The following SENP5 variants were observed in gnomAD, a reference collection of about 807,000 sequenced individuals.
SENP5 encodes sentrin-specific protease 5.
Under a neutral mutation model 74.2 loss-of-function variants are expected in SENP5, and 21 were observed. That is an observed-to-expected ratio of 0.28 (90% CI 0.20 to 0.41). The LOEUF (loss-of-function observed/expected upper bound fraction) is 0.41, where lower values mean the gene tolerates loss of function less well. Among genes scored for constraint, SENP5 ranks in the 10% least tolerant of loss-of-function variants. SENP5 has a pLI of 1.00. For synonymous variants in SENP5, 311 were observed against 312.7 expected, an observed-to-expected ratio of 0.99 and a Z score of 0.06; for missense variants, 717 against 889.1, an observed-to-expected ratio of 0.81 and a Z score of 2.46.
In SENP5 at chr3:196,885,815, T is replaced by C; in HGVS notation, c.634T>C (p.Leu212=). The C allele has an allele frequency of 3.7e-6, 6 of 1,614,164 alleles. No individual in the cohort carries two copies. The highest frequency in any genetic ancestry group is 5.1e-6 in the Non-Finnish European group (6 of 1,180,020). The part of the protein sequence containing the change: ...GPEHHRNGGP[L]IPKKFQLNQH... ...GGAGCACCACAGGAATGGGGGACCC[T>C]TGATTCCAAAAAAGTTCCAACTTAA... Residue 212 remains leucine (L), a synonymous_variant, in exon 2 of 10, where the codon TTG becomes CTG. Transcript: ENST00000323460.
intron 6 of SENP5, among the ~76,000 whole-genome samples, chr3:196,919,819 A>AT (rs1436136372): frequency 2.0e-5 from 3 of 149,470 alleles, no homozygotes; most frequent in East Asian, 1.9e-4. Flanking sequence ...AGGGATCAAG[A>AT]TTTTTTTTTT....
At chr3:196,929,821 T>C in intron 9 of SENP5, 138 bp downstream of exon 9, 3 of 662,496 alleles carry the variant, frequency 4.5e-6, no homozygotes, top group Non-Finnish European at 8.1e-6. Flanking sequence ...CCTTTATTGC[T>C]GAGGAGCAGT....
intron 7 of SENP5, among the ~76,000 whole-genome samples, chr3:196,926,613 T>C (rs1239943667): frequency 6.6e-6 from 1 of 151,930 alleles, no homozygotes; most frequent in Non-Finnish European, 1.5e-5. Context: ...ATGTTTTTTC[T>C]TCTGAAGAGG....
At chr3:196,870,217 A>G (rs1176665072) in intron 1 of SENP5, among the ~76,000 whole-genome samples, 4 of 152,212 alleles carry the variant, frequency 2.6e-5, no homozygotes, top group South Asian at 2.1e-4. Flanking sequence ...GAAAGGGTCA[A>G]CTGGTAAGGT....
intron 1 of SENP5, among the ~76,000 whole-genome samples, chr3:196,871,266 C>A (rs1458967255): frequency 6.6e-6 from 1 of 152,120 alleles, no homozygotes; most frequent in East Asian, 1.9e-4. Flanking sequence ...AACCAAATAG[C>A]TGAATCTCTA....
chr3:196,928,068 C>T (rs534023501), intron 8 of SENP5, among the ~76,000 whole-genome samples, 189 bp downstream of exon 8: 6 of 152,220 alleles, frequency 3.9e-5, no homozygotes, highest in East Asian at 1.9e-4. Context: ...CAGTGCTTCC[C>T]GGGAGCAAAT....
intron 6 of SENP5, among the ~76,000 whole-genome samples, chr3:196,921,617 A>T (rs145378584): frequency 0.011 from 1,622 of 148,146 alleles, 21 homozygotes; most frequent in African/African-American, 0.032. Context: ...ACTCGGAATT[A>T]AAAAAAAAAG....
chr3:196,907,732 A>G (rs748950207), intron 6 of SENP5, among the ~76,000 whole-genome samples: 8 of 152,174 alleles, frequency 5.3e-5, no homozygotes, highest in Non-Finnish European at 1.0e-4. Context: ...CAACACTAAC[A>G]ATAGCTGATG....
At chr3:196,904,121 G>A (rs1714809265) in intron 6 of SENP5, among the ~76,000 whole-genome samples, 1 of 152,174 alleles carries the variant, frequency 6.6e-6, no homozygotes, top group African/African-American at 2.4e-5. Context: ...CAAAAACCAT[G>A]TACCTAATTT....
intron 1 of SENP5, among the ~76,000 whole-genome samples, chr3:196,878,841 C>T (rs192216819): frequency 9.2e-4 from 140 of 152,294 alleles, no homozygotes; most frequent in African/African-American, 3.0e-3. Flanking sequence ...ATCCGCTTGC[C>T]TCGGCCTCCC....
chr3:196,886,799 C>A, intron 2 of SENP5, 105 bp downstream of exon 2: 1 of 893,458 alleles, frequency 1.1e-6, no homozygotes, highest in South Asian at 2.0e-5. Flanking sequence ...ATGAATATTT[C>A]TTTAAACCAG....
chr3:196,899,115 T>C (rs1360220106), intron 2 of SENP5, among the ~76,000 whole-genome samples: 5 of 151,384 alleles, frequency 3.3e-5, no homozygotes, highest in Non-Finnish European at 7.4e-5. Context: ...CTAGCTGTTA[T>C]CCAGTTGAGC....
In SENP5 at chr3:196,927,879, G is replaced by C; in HGVS notation, c.2106G>C (p.Lys702Asn). 6.3e-7 allele frequency: 1 copy of C among 1,599,802 alleles called. No homozygotes were observed. Among genetic ancestry groups the C allele is most frequent in the Non-Finnish European group, 8.6e-7 (1 of 1,167,082 alleles). ...FLQGWQTAVT[K>N]CIPQQKNDSD... ...AGGGTTGGCAGACTGCTGTTACGAA[G>C]GTAAGTATGTGATAACAATGAAACC... Residue 702 changes from lysine to asparagine, a missense_variant and splice_region_variant, in exon 8 of 10, where the codon AAG (lysine) becomes AAC (asparagine). By Grantham distance (94) the Lys-to-Asn change is moderately conservative (BLOSUM62 0). Coordinates refer to ENST00000323460, the MANE Select transcript of SENP5 (RefSeq NM_152699.5).
rs1364487339 is a variant in SENP5, at chr3:196,885,357, G to A, written c.176G>A (p.Gly59Asp). ...TWNRQLRHFQ[G>D]RKKALQIQKT... is the part of the protein sequence containing the mutation. ...AATAGACAGTTGAGACATTTCCAGG[G>A]TAGAAAGAAAGCTCTTCAAATCCAG... The change falls in exon 2 of 10, where the codon GGT becomes GAT. Residue 59 changes from glycine to aspartate, a missense_variant. Coordinates refer to ENST00000323460, the MANE Select transcript of SENP5 (RefSeq NM_152699.5). 6.2e-7 allele frequency: 1 copy of A among 1,614,076 alleles called. No individual in the cohort carries two copies. Among genetic ancestry groups the A allele is most frequent in the African/African-American group, 1.3e-5 (1 of 74,920 alleles).
chr3:196,876,756 G>A (rs1029522255), intron 1 of SENP5, among the ~76,000 whole-genome samples: 10 of 150,562 alleles, frequency 6.6e-5, no homozygotes, highest in African/African-American at 2.4e-4. Context: ...GTGTGTGTCT[G>A]CTGTAGTCCC....
In SENP5 at chr3:196,891,132, C is replaced by T. The variant is rs531716391; in HGVS notation, c.1513+4438C>T. Among the ~76,000 whole-genome samples the T allele has an allele frequency of 1.6e-4, 24 of 152,156 alleles. 1 individual carries two copies. Among genetic ancestry groups the T allele is most frequent in the Admixed American group, 1.4e-3 (22 of 15,270 alleles). Reference sequence around the variant, plus strand: ...ATTATTCTATAAAAGGAATAAACACCGATATATACTTAAATGTGGATGCAC... The same window carrying T: ...ATTATTCTATAAAAGGAATAAACACTGATATATACTTAAATGTGGATGCAC... On this transcript the variant is annotated intron_variant, in intron 2 of 9. Transcript: ENST00000323460.
rs550782471 is a variant in SENP5 at position 196,905,961 on chromosome 3, C to T, written c.1884+2351C>T. 1.1e-4 allele frequency among the ~76,000 whole-genome samples: 17 copies of T among 152,142 alleles called. No individual in the cohort carries two copies. In the South Asian group the frequency reaches 2.3e-3, roughly 20 times the overall value. ...TCACTTTGGGCCTGGGTCATGTCCC[C>T]GTAATCCCAGCACTTTGGAAGTCTG... On this transcript the variant is annotated intron_variant, in intron 6 of 9. Transcript: ENST00000323460.
chr3:196,905,335 A>G (rs1025279615), intron 6 of SENP5: 2 of 152,352 alleles, frequency 1.3e-5, no homozygotes, highest in East Asian at 3.9e-4. Flanking sequence ...TGCAGCGACC[A>G]CTGGCTGGAT....
chr3:196,894,189 T>C (rs1714341518), intron 2 of SENP5, among the ~76,000 whole-genome samples: 1 of 147,332 alleles, frequency 6.8e-6, no homozygotes, highest in South Asian at 2.3e-4. Context: ...AGTGGCGTGA[T>C]CTCGGCTCAC....
Sources: gnomAD v4.1 joint callset for allele counts (sites outside exome capture counted in the v4.1 genomes callset) on GRCh38, gnomAD v4.1.1 for gene constraint, MANE v1.5 for transcripts, NCBI Gene and HGNC (gene_info 2026-07-23, HGNC 2026-07-21) for gene names.